Variants in PACS1 observed in about 807,000 individuals in gnomAD.
The protein encoded by PACS1 is PACS-1.
In PACS1, 24 loss-of-function variants were observed where a neutral mutation model predicts 115.0. The observed-to-expected ratio is 0.21, with a 90% CI of 0.15 to 0.29. The LOEUF (loss-of-function observed/expected upper bound fraction) is 0.29. Among genes scored for constraint, PACS1 ranks in the 10% least tolerant of loss-of-function variants. The pLI is 1.00. For synonymous variants in PACS1, 453 were observed against 504.5 expected, an observed-to-expected ratio of 0.90 and a Z score of 1.37; for missense variants, 838 against 1,251.2, an observed-to-expected ratio of 0.67 and a Z score of 4.98.
At position 66,070,456 on chromosome 11, in the gene PACS1, T is replaced by C; in HGVS notation, c.-31T>C. On this transcript the variant is annotated 5_prime_UTR_variant, in exon 1 of 24. Coordinates refer to ENST00000320580, the MANE Select transcript of PACS1 (RefSeq NM_018026.4). The surrounding 1 kb of genome is among the most constrained non-coding windows in gnomAD (Gnocchi z 5.9). ...GCCTGGGAGCCAGATCGGCGTCGCC[T>C]CGGCCTCCGTAACCCCCGCCTAGCC... 1 of 1,212,660 alleles carries C rather than the reference T, an allele frequency of 8.2e-7. No homozygotes were observed. The highest frequency in any genetic ancestry group is 1.6e-5 in the African/African-American group (1 of 62,878). 75.1% of individuals were successfully genotyped at this position (1,212,660 alleles called of 1,614,324 possible).
chr11:66,094,567 CAA>C (rs980055387), intron 1 of PACS1, among the ~76,000 whole-genome samples: 20 of 152,036 alleles, frequency 1.3e-4, no homozygotes, highest in African/African-American at 4.6e-4. Context: ...GCTTACCAAC[CAA>C]AAAGAGTCCA....
chr11:66,070,874 G>C lies in PACS1; in HGVS notation c.356+32G>C. ...GCGGGAGGGTGCGGCGGGGCGCCGG[G>C]GGAGCGGGGTGGCCGCCGGGGCCCA... On this transcript the variant is annotated intron_variant, in intron 1 of 23. Transcript: ENST00000320580. The surrounding 1 kb of genome is among the most constrained non-coding windows in gnomAD (Gnocchi z 5.9). 1 of 1,415,798 alleles carries C rather than the reference G, an allele frequency of 7.1e-7. No homozygotes were observed. The highest frequency in any genetic ancestry group is 9.1e-7 in the Non-Finnish European group (1 of 1,095,304). 87.7% of individuals were successfully genotyped at this position (1,415,798 alleles called of 1,614,324 possible). A position where few individuals can be genotyped will look rare whatever the true frequency, so the allele number is the denominator to read the frequency against.
At chr11:66,226,601 T>G (rs1387171549) in intron 10 of PACS1, among the ~76,000 whole-genome samples, 5 of 152,186 alleles carry the variant, frequency 3.3e-5, no homozygotes, top group African/African-American at 1.2e-4. Context: ...ATAGGGAGCC[T>G]GCTGTGGTGA....
chr11:66,204,126 C>A (rs1279590886), intron 2 of PACS1, among the ~76,000 whole-genome samples: 1 of 151,894 alleles, frequency 6.6e-6, no homozygotes, highest in Admixed American at 6.6e-5. Context: ...GAGAGGCCAA[C>A]AAGGGATCCC....
At chr11:66,145,705 G>A (rs1031201955) in intron 1 of PACS1, among the ~76,000 whole-genome samples, 80 of 152,316 alleles carry the variant, frequency 5.3e-4, no homozygotes, top group African/African-American at 1.6e-3. Flanking sequence ...GAAAGGAAAA[G>A]TGGGATAGAC....
chr11:66,230,375 C>T (rs1426000901), intron 11 of PACS1, 173 bp from the exon 12 acceptor site: 1 of 608,922 alleles, frequency 1.6e-6, no homozygotes, highest in Non-Finnish European at 3.0e-6. Flanking sequence ...CACCCGTGAA[C>T]AGTGGCGATT....
intron 1 of PACS1, among the ~76,000 whole-genome samples, chr11:66,103,285 G>T (rs1857962411): frequency 6.6e-6 from 1 of 152,242 alleles, no homozygotes; most frequent in South Asian, 2.1e-4. Flanking sequence ...CAACAGTGGG[G>T]TGTCAATTAT....
chr11:66,216,048 T>G, intron 4 of PACS1, 71 bp from the exon 5 acceptor site: 2 of 1,497,772 alleles, frequency 1.3e-6, no homozygotes, highest in Non-Finnish European at 1.8e-6. Flanking sequence ...TGGGGTCTTG[T>G]GCATTCCTTG....
At chr11:66,135,939 G>C (rs560544633) in intron 1 of PACS1, among the ~76,000 whole-genome samples, 2 of 152,196 alleles carry the variant, frequency 1.3e-5, no homozygotes, top group East Asian at 3.9e-4. Context: ...TTACAGGCGT[G>C]AGCCACTACA....
chr11:66,212,122 AT>A (rs1052964683), intron 4 of PACS1, among the ~76,000 whole-genome samples: 3 of 149,700 alleles, frequency 2.0e-5, no homozygotes, highest in Admixed American at 6.7e-5. Context: ...TTAACTTTTA[AT>A]TTTTTTTATT....
At chr11:66,093,098 AC>A (rs1857697534) in intron 1 of PACS1, among the ~76,000 whole-genome samples, 1 of 152,006 alleles carries the variant, frequency 6.6e-6, no homozygotes, top group South Asian at 2.1e-4. Context: ...TCTATAAATT[AC>A]CTTGGGCAGT....
At chr11:66,191,261 C>T (rs1299985715) in intron 1 of PACS1, among the ~76,000 whole-genome samples, 2 of 152,184 alleles carry the variant, frequency 1.3e-5, no homozygotes, top group Non-Finnish European at 2.9e-5. Context: ...TCCCTGGCCC[C>T]CTCTTTTAAA....
In PACS1 at chr11:66,212,831, A is replaced by G. The variant is rs569836192; in HGVS notation, c.660+1572A>G. ...AATTTCTAATCCCACCATTCCTTAC[A>G]TATTTATTAATTGGCTTTATTTATT... On this transcript the variant is annotated intron_variant, in intron 4 of 23. Transcript: ENST00000320580. Among the ~76,000 whole-genome samples the G allele has an allele frequency of 2.4e-4, 36 of 152,106 alleles. 1 individual carries two copies. The South Asian group carries it at 7.3e-3, about 31-fold the overall frequency.
intron 22 of PACS1, among the ~76,000 whole-genome samples, chr11:66,242,700 G>A (rs1465836421): frequency 1.3e-5 from 2 of 152,188 alleles, no homozygotes; most frequent in African/African-American, 4.8e-5. Flanking sequence ...GCCCCAGGGG[G>A]AGAAGTGGGA....
chr11:66,237,953 C>T (rs1373612813), intron 19 of PACS1: 8 of 509,400 alleles, frequency 1.6e-5, no homozygotes, highest in Non-Finnish European at 2.0e-5. Context: ...CGGTAGATTT[C>T]GCCCCATCAG....
intron 2 of PACS1, among the ~76,000 whole-genome samples, chr11:66,205,219 A>T (rs1051360398): frequency 6.6e-6 from 1 of 151,840 alleles, no homozygotes; most frequent in Non-Finnish European, 1.5e-5. Flanking sequence ...TCCTGACCTC[A>T]GGTGATCTGC....
rs559887887 is a variant in PACS1, at chr11:66,236,624, C to G, written c.2250+684C>G. 1.3e-5 allele frequency among the ~76,000 whole-genome samples: 2 copies of G among 152,336 alleles called. No individual in the cohort carries two copies. Among genetic ancestry groups the G allele is most frequent in the African/African-American group, 4.8e-5 (2 of 41,588 alleles). ...TCAGCAGCTGGGCCACAGGCTCAGC[C>G]TGACCTAGGGAGGGGTCCGGGGGAG... On this transcript the variant is annotated intron_variant, in intron 19 of 23. Transcript: ENST00000320580. The surrounding 1 kb of genome is among the most constrained non-coding windows in gnomAD (Gnocchi z 4.2).
intron 1 of PACS1, among the ~76,000 whole-genome samples, chr11:66,143,149 GTGT>G (rs1241323946): frequency 1.3e-5 from 2 of 152,104 alleles, no homozygotes; most frequent in African/African-American, 4.8e-5. Context: ...TTAGATTATA[GTGT>G]TGTCAGGAGT....
chr11:66,197,667 C>A (rs1377106382), intron 2 of PACS1, among the ~76,000 whole-genome samples: 2 of 152,148 alleles, frequency 1.3e-5, no homozygotes, highest in Non-Finnish European at 2.9e-5. Context: ...TGGCATATGC[C>A]TGCAGTCCCA....
Sources: allele counts gnomAD v4.1 joint callset (sites outside exome capture counted in the v4.1 genomes callset), GRCh38; gene constraint gnomAD v4.1.1; non-coding constraint Gnocchi (gnomAD v3.1); transcripts MANE v1.5; gene names NCBI Gene and HGNC (gene_info 2026-07-23, HGNC 2026-07-21).